The following PGS1 variants were observed in gnomAD, a reference collection of about 807,000 sequenced individuals.
PGS1 encodes the protein CDP-diacylglycerol--glycerol-3-phosphate 3-phosphatidyltransferase, mitochondrial.
A neutral mutation model predicts 58.3 loss-of-function variants in PGS1; 44 were observed. The ratio of observed to expected loss-of-function variants is 0.75; its 90% confidence interval spans 0.59 to 0.97. The LOEUF (loss-of-function observed/expected upper bound fraction) is 0.97. Among genes scored for constraint, PGS1 ranks in the 50% least tolerant of loss-of-function variants. The pLI, the probability that PGS1 is intolerant of heterozygous loss-of-function variation, is 0.00. For synonymous variants in PGS1, 330 were observed against 311.0 expected, an observed-to-expected ratio of 1.06 and a Z score of -0.64; for missense variants, 684 against 731.1, an observed-to-expected ratio of 0.94 and a Z score of 0.74.
chr17:78,417,830 CCACTGAGGA>C lies in PGS1; in HGVS notation c.1552-1706_1552-1698del, dbSNP rs570608169. Among the ~76,000 whole-genome samples, 89 of 151,692 alleles carry C rather than the reference CCACTGAGGA, an allele frequency of 5.9e-4. 3 individuals are homozygous for C. The South Asian group carries it at 0.019, about 32-fold the overall frequency. The stretch of plus-strand genomic sequence containing the variant: ...AACTGTGTGAGCGCTGCCAGGCGCC[CCACTGAGGA>C]CACTGAGGAGAGAGCACTTGGAGGG... On this transcript the variant is annotated intron_variant, in intron 8 of 9. Coordinates refer to ENST00000262764, the MANE Select transcript of PGS1 (RefSeq NM_024419.5).
At chr17:78,404,394 C>G (rs1430497508) in intron 7 of PGS1, among the ~76,000 whole-genome samples, 1 of 150,872 alleles carries the variant, frequency 6.6e-6, no homozygotes, top group African/African-American at 2.4e-5. Context: ...AGTCCTCCCA[C>G]CGTAGCCTCC....
chr17:78,407,539 G>T (rs548436510), intron 7 of PGS1, among the ~76,000 whole-genome samples: 23 of 152,318 alleles, frequency 1.5e-4, no homozygotes, highest in African/African-American at 4.8e-4. Flanking sequence ...TGCCTCCTTG[G>T]GTGTGTCTGT....
intron 8 of PGS1, among the ~76,000 whole-genome samples, chr17:78,415,443 C>A (rs544788274): frequency 6.6e-6 from 1 of 152,244 alleles, no homozygotes; most frequent in South Asian, 2.1e-4. Flanking sequence ...CCAGCCTGGC[C>A]AACATGGTGA....
intron 1 of PGS1, among the ~76,000 whole-genome samples, chr17:78,383,703 G>A (rs1429403776): frequency 6.6e-6 from 1 of 152,200 alleles, no homozygotes; most frequent in Non-Finnish European, 1.5e-5. Context: ...GCAGTATAAT[G>A]GCTGGGAAGG....
intron 7 of PGS1, among the ~76,000 whole-genome samples, chr17:78,414,196 C>T (rs2084970560): frequency 6.6e-6 from 1 of 152,198 alleles, no homozygotes; most frequent in Admixed American, 6.5e-5. Flanking sequence ...ACTACATGTT[C>T]CTCAGTCAGA....
intron 1 of PGS1, among the ~76,000 whole-genome samples, chr17:78,384,189 C>T (rs1385657331): frequency 6.6e-6 from 1 of 152,228 alleles, no homozygotes; most frequent in Non-Finnish European, 1.5e-5. Context: ...CATGTAGCTG[C>T]ATGCTGGCAG....
intron 1 of PGS1, among the ~76,000 whole-genome samples, chr17:78,390,802 C>A (rs142670329): frequency 6.6e-6 from 1 of 152,288 alleles, no homozygotes; most frequent in East Asian, 1.9e-4. Flanking sequence ...AATTCATCTC[C>A]TTCAGCCTTG....
At chr17:78,423,905 G>C (rs1320267999) in intron 9 of PGS1, 156 bp from the exon 10 acceptor site, 1 of 1,613,940 alleles carries the variant, frequency 6.2e-7, no homozygotes, top group African/African-American at 1.3e-5. Flanking sequence ...GCAGGAGCGA[G>C]CTAAACCTGT....
intron 1 of PGS1, among the ~76,000 whole-genome samples, chr17:78,388,436 G>A (rs181784265): frequency 3.3e-5 from 5 of 152,072 alleles, no homozygotes; most frequent in South Asian, 2.1e-4. Flanking sequence ...CTAGGGTCAC[G>A]CGATCGTCCC....
At chr17:78,415,345 T>A (rs1168315483) in intron 8 of PGS1, among the ~76,000 whole-genome samples, 1 of 152,176 alleles carries the variant, frequency 6.6e-6, no homozygotes, top group Non-Finnish European at 1.5e-5. Flanking sequence ...AGGTTCGGCA[T>A]TGGGGCTGGG....
At chr17:78,393,623 A>T (rs1481945865) in intron 2 of PGS1, among the ~76,000 whole-genome samples, 1 of 152,194 alleles carries the variant, frequency 6.6e-6, no homozygotes, top group Non-Finnish European at 1.5e-5. Context: ...ATGCATGAAG[A>T]GGCCTTTCAA....
intron 3 of PGS1, 68 bp from the exon 4 acceptor site, chr17:78,398,183 AT>A: frequency 8.6e-7 from 1 of 1,165,278 alleles, no homozygotes; most frequent in South Asian, 1.2e-5. Flanking sequence ...CGATGGGGCG[AT>A]TTGTTTTTCT....
intron 8 of PGS1, among the ~76,000 whole-genome samples, chr17:78,417,006 G>A (rs1472281525): frequency 6.6e-6 from 1 of 152,106 alleles, no homozygotes; most frequent in Non-Finnish European, 1.5e-5. Context: ...GTCACATTGG[G>A]CACTGGGAAT....
At chr17:78,422,682 G>GAT in intron 9 of PGS1, among the ~76,000 whole-genome samples, 1 of 152,096 alleles carries the variant, frequency 6.6e-6, no homozygotes, top group East Asian at 1.9e-4. Flanking sequence ...ATTTTTGATT[G>GAT]ATAGAGATGG....
In PGS1 at chr17:78,400,121, C is replaced by T. The variant is rs558492045; in HGVS notation, c.702-556C>T. 43 of 181,380 alleles carry T rather than the reference C, an allele frequency of 2.4e-4. No homozygotes were observed. Among genetic ancestry groups the T allele is most frequent in the African/African-American group, 8.6e-4 (36 of 41,850 alleles). 11.2% of individuals were successfully genotyped at this position (181,380 alleles called of 1,614,324 possible). A position where few individuals can be genotyped will look rare whatever the true frequency, so the allele number is the denominator to read the frequency against. On this transcript the variant is annotated intron_variant, in intron 5 of 9. Coordinates refer to ENST00000262764, the MANE Select transcript of PGS1 (RefSeq NM_024419.5). This position sits in a 1 kb window ranked among gnomAD's most constrained non-coding sequence, Gnocchi z 4.4. ...CCTGCATGGGCCGGGCGCAGTGGCTCACGCCTGTAATCCCACATTTTGGGA... is the reference window on the plus strand; with the variant it reads ...CCTGCATGGGCCGGGCGCAGTGGCTTACGCCTGTAATCCCACATTTTGGGA...
Position 78,409,298 on chromosome 17 carries a change from G to A in PGS1, c.1402+5209G>A, listed in dbSNP as rs77835058. Among the ~76,000 whole-genome samples, 138 of 152,378 alleles carry A rather than the reference G, an allele frequency of 9.1e-4. 1 individual carries two copies. Among genetic ancestry groups the A allele is most frequent in the African/African-American group, 2.9e-3 (122 of 41,592 alleles). On this transcript the variant is annotated intron_variant, in intron 7 of 9. Coordinates refer to ENST00000262764, the MANE Select transcript of PGS1 (RefSeq NM_024419.5). The stretch of plus-strand genomic sequence containing the variant: ...ATGTTGACTTCCATTTCTTCTGGAC[G>A]CAGTATTCTAGCACTAACAACACAA...
chr17:78,410,660 G>T (rs1198200494), intron 7 of PGS1, among the ~76,000 whole-genome samples: 1 of 151,834 alleles, frequency 6.6e-6, no homozygotes, highest in Non-Finnish European at 1.5e-5. Flanking sequence ...TTTTAGTAGA[G>T]ATGGGGTTTC....
At chr17:78,390,434 G>A (rs1391159233) in intron 1 of PGS1, among the ~76,000 whole-genome samples, 1 of 152,204 alleles carries the variant, frequency 6.6e-6, no homozygotes, top group African/African-American at 2.4e-5. Context: ...GGTTTTCTTG[G>A]CAGTGAATCG....
At chr17:78,388,314 G>C (rs1053904054) in intron 1 of PGS1, among the ~76,000 whole-genome samples, 1 of 152,108 alleles carries the variant, frequency 6.6e-6, no homozygotes, top group African/African-American at 2.4e-5. Flanking sequence ...GGTGAACCCT[G>C]ACACCTGTGT....
Sources: allele counts gnomAD v4.1 joint callset (sites outside exome capture counted in the v4.1 genomes callset), GRCh38; gene constraint gnomAD v4.1.1; non-coding constraint Gnocchi (gnomAD v3.1); transcripts MANE v1.5; gene names NCBI Gene and HGNC (gene_info 2026-07-23, HGNC 2026-07-21).